The following GLYATL2 variants were observed in gnomAD, a reference collection of about 807,000 sequenced individuals.
The protein encoded by GLYATL2 is glycine N-acyltransferase-like protein 2.
In GLYATL2, 25 loss-of-function variants were observed where a neutral mutation model predicts 21.4. The observed-to-expected ratio is 1.17, with a 90% CI of 0.85 to 1.63. The LOEUF (loss-of-function observed/expected upper bound fraction) is 1.63, where lower values mean the gene tolerates loss of function less well. GLYATL2 is among the 40% of genes most tolerant of loss of function. GLYATL2 has a pLI of 0.00. For synonymous variants in GLYATL2, 114 were observed against 118.2 expected (o/e 0.96, Z 0.23); for missense variants, 361 against 343.3 (o/e 1.05, Z -0.41).
intron 1 of GLYATL2, among the ~76,000 whole-genome samples, chr11:58,858,074 A>G (rs1247352892): frequency 1.3e-5 from 2 of 152,198 alleles, no homozygotes; most frequent in Admixed American, 1.3e-4. Flanking sequence ...TGTACAGTAT[A>G]AATTTTAATG....
At chr11:58,867,396 G>A (rs1854041004) in intron 1 of GLYATL2, among the ~76,000 whole-genome samples, 1 of 148,764 alleles carries the variant, frequency 6.7e-6, no homozygotes, top group Admixed American at 6.9e-5. Flanking sequence ...CTGAGTTTCT[G>A]TACCATTGGG....
chr11:58,834,526 T>C lies in GLYATL2; in HGVS notation c.788A>G (p.Asn263Ser). The change falls in exon 6 of 6, where the codon AAT becomes AGT. Residue 263 changes from asparagine (N) to serine (S), a missense_variant. By Grantham distance (46) the Asn-to-Ser change is conservative. Transcript: ENST00000287275. ...EIPFYFHVAD[N>S]NEKSLQALNN... ...CAGTGCCTGTAGGCTTTTCTCATTATTATCTGCCACATGGAAATAAAATGG... is the reference window on the plus strand; with the variant it reads ...CAGTGCCTGTAGGCTTTTCTCATTACTATCTGCCACATGGAAATAAAATGG... The C allele has an allele frequency of 6.2e-7, 1 of 1,613,860 alleles. No individual in the cohort carries two copies. The highest frequency in any genetic ancestry group is 8.5e-7 in the Non-Finnish European group (1 of 1,179,770).
At chr11:58,878,247 T>G in intron 1 of GLYATL2, 1 of 351,370 alleles carries the variant, frequency 2.8e-6, no homozygotes, top group East Asian at 6.8e-5. Flanking sequence ...CTGAAGTTTT[T>G]CTTTTATCAG....
chr11:58,908,078 T>A (rs1321042202), upstream of GLYATL2: 1 of 152,468 alleles, frequency 6.6e-6, no homozygotes, highest in Non-Finnish European at 1.5e-5. Flanking sequence ...GGTTGCCCAC[T>A]GCACATCTCT....
At chr11:58,847,926 A>G (rs779236270), upstream of GLYATL2, among the ~76,000 whole-genome samples, 73 of 151,148 alleles carry the variant, frequency 4.8e-4, no homozygotes, top group Middle Eastern at 3.5e-3. Context: ...CACAGTCATA[A>G]TGGCGGTGGC....
upstream of GLYATL2, among the ~76,000 whole-genome samples, chr11:58,904,571 C>T (rs1488938847): frequency 6.6e-6 from 1 of 152,222 alleles, no homozygotes; most frequent in Non-Finnish European, 1.5e-5. Flanking sequence ...ATGATTTACT[C>T]TCCGATGCAT....
At chr11:58,860,254 T>A (rs1853907805) in intron 1 of GLYATL2, among the ~76,000 whole-genome samples, 1 of 152,168 alleles carries the variant, frequency 6.6e-6, no homozygotes, top group Non-Finnish European at 1.5e-5. Context: ...AAATAAGGAA[T>A]ATTTTTCTAT....
At chr11:58,853,399 C>A (rs1190290852) in intron 1 of GLYATL2, among the ~76,000 whole-genome samples, 3 of 152,130 alleles carry the variant, frequency 2.0e-5, no homozygotes, top group Non-Finnish European at 2.9e-5. Flanking sequence ...ACACAGAAGG[C>A]TGACTTTTCC....
chr11:58,843,032 C>G (rs1307860617), intron 1 of GLYATL2, among the ~76,000 whole-genome samples: 1 of 152,088 alleles, frequency 6.6e-6, no homozygotes, highest in Admixed American at 6.6e-5. Flanking sequence ...GCTGTAGGAA[C>G]TTAACTCTTC....
At chr11:58,884,527 C>A (rs1449967202) in intron 1 of GLYATL2, among the ~76,000 whole-genome samples, 1 of 152,204 alleles carries the variant, frequency 6.6e-6, no homozygotes, top group Non-Finnish European at 1.5e-5. Flanking sequence ...CTGATATTTT[C>A]TATTCTAGAT....
chr11:58,838,729 A>G (rs1182129512), intron 2 of GLYATL2, among the ~76,000 whole-genome samples: 3 of 152,166 alleles, frequency 2.0e-5, no homozygotes, highest in African/African-American at 7.2e-5. Context: ...GAAAAACTCA[A>G]AGGTGAATAT....
rs1292632214 is a variant in GLYATL2 at position 58,875,224 on chromosome 11, G to A, written n.60+28932C>T. 3.3e-5 allele frequency among the ~76,000 whole-genome samples: 5 copies of A among 152,268 alleles called. 1 individual carries two copies. Among genetic ancestry groups the A allele is most frequent in the African/African-American group, 1.2e-4 (5 of 41,554 alleles). ...GGTTTCCTGAATACAGCACACTGAT[G>A]GGTCTTGACTCTTTATCCAATTTGC... is the stretch of plus-strand genomic sequence containing the variant. On this transcript the variant is annotated intron_variant and non_coding_transcript_variant, in intron 1 of 4. Coordinates refer to the GLYATL2 transcript ENST00000533636.
chr11:58,838,302 A>G lies in GLYATL2; in HGVS notation c.145T>C (p.Trp49Arg). 2 of 1,613,438 alleles carry G rather than the reference A, an allele frequency of 1.2e-6. No homozygotes were observed. The highest frequency in any genetic ancestry group is 1.1e-5 in the South Asian group (1 of 91,068). ...PFNMEVLVDA[W>R]PDYQIVITRP... ...GTAATGACGATCTGGTAATCTGGCC[A>G]GGCATCTACCAGCACCTCCATGTTG... Residue 49 changes from tryptophan (W) to arginine (R), a missense_variant, in exon 3 of 6, where the codon TGG (tryptophan) becomes CGG (arginine). By Grantham distance (101) the Trp-to-Arg change is moderately radical. Transcript: ENST00000287275.
intron 1 of GLYATL2, among the ~76,000 whole-genome samples, chr11:58,861,189 T>G (rs930901529): frequency 6.6e-6 from 1 of 152,058 alleles, no homozygotes; most frequent in Non-Finnish European, 1.5e-5. Flanking sequence ...TTTAAATGTT[T>G]GGTGGAATTC....
At chr11:58,877,121 G>A (rs1334377537) in intron 1 of GLYATL2, among the ~76,000 whole-genome samples, 1 of 152,236 alleles carries the variant, frequency 6.6e-6, no homozygotes, top group Non-Finnish European at 1.5e-5. Flanking sequence ...TGTGCCGTTT[G>A]ATAAGCCTGT....
chr11:58,854,166 T>C (rs1853788837), intron 1 of GLYATL2, among the ~76,000 whole-genome samples: 1 of 152,236 alleles, frequency 6.6e-6, no homozygotes, highest in Non-Finnish European at 1.5e-5. Flanking sequence ...TAGTATTCTA[T>C]TGTGCATATA....
At chr11:58,845,049 G>T (rs1465658709), upstream of GLYATL2, among the ~76,000 whole-genome samples, 2 of 152,126 alleles carry the variant, frequency 1.3e-5, no homozygotes, top group Admixed American at 1.3e-4. Context: ...AATTACTGGA[G>T]AAAAGTTTCA....
intron 1 of GLYATL2, among the ~76,000 whole-genome samples, chr11:58,858,893 G>A (rs1466997414): frequency 6.6e-6 from 1 of 152,180 alleles, no homozygotes; most frequent in South Asian, 2.1e-4. Context: ...GAGCATCACT[G>A]TCTCCCCTTA....
chr11:58,864,691 G>T (rs547269384), intron 1 of GLYATL2, among the ~76,000 whole-genome samples: 1 of 148,978 alleles, frequency 6.7e-6, no homozygotes, highest in East Asian at 2.2e-4. Context: ...TTATTTCTCT[G>T]CTACACGAAG....
Sources: gnomAD v4.1 joint callset for allele counts (sites outside exome capture counted in the v4.1 genomes callset) on GRCh38, gnomAD v4.1.1 for gene constraint, MANE v1.5 for transcripts, NCBI Gene and HGNC (gene_info 2026-07-23, HGNC 2026-07-21) for gene names.